The following KNL1 variants were observed in gnomAD, a reference collection of about 807,000 sequenced individuals.
KNL1 encodes outer kinetochore KNL1 complex subunit KNL1.
Under a neutral mutation model 201.3 loss-of-function variants are expected in KNL1, and 66 were observed. The ratio of observed to expected loss-of-function variants is 0.33; its 90% CI spans 0.27 to 0.40. The LOEUF (loss-of-function observed/expected upper bound fraction) is 0.40, where lower values mean the gene tolerates loss of function less well. Among genes scored for constraint, KNL1 ranks in the 10% least tolerant of loss-of-function variants. The pLI is 1.00. For synonymous variants in KNL1, 895 were observed against 899.2 expected, an observed-to-expected ratio of 1.00 and a Z score of 0.08; for missense variants, 2,815 against 2,690.5, an observed-to-expected ratio of 1.05 and a Z score of -1.02.
intron 1 of KNL1, among the ~76,000 whole-genome samples, chr15:40,596,435 C>T (rs1284835024): frequency 6.6e-6 from 1 of 151,988 alleles, no homozygotes; most frequent in Non-Finnish European, 1.5e-5. Flanking sequence ...CGCCACCATG[C>T]GCAGCCAATT....
chr15:40,611,996 A>G (rs145968455), intron 7 of KNL1, among the ~76,000 whole-genome samples: 4,303 of 152,122 alleles, frequency 0.028, 217 homozygotes, highest in African/African-American at 0.099. Flanking sequence ...CCTGGCCAAC[A>G]TGATGAAACC....
intron 4 of KNL1, among the ~76,000 whole-genome samples, 178 bp from the exon 5 acceptor site, chr15:40,608,669 C>T (rs760112981): frequency 2.0e-5 from 3 of 149,608 alleles, no homozygotes; most frequent in Non-Finnish European, 4.4e-5. Flanking sequence ...CGCTTGAATC[C>T]GGGAGGCAGA....
intron 2 of KNL1, among the ~76,000 whole-genome samples, chr15:40,604,116 T>TATCATCATCATC (rs71104704): frequency 9.5e-4 from 142 of 149,544 alleles, no homozygotes; most frequent in African/African-American, 3.3e-3. Context: ...CTGTCTCACA[T>TATCATCATCATC]ATCATCATCA....
At chr15:40,604,627 C>T (rs1891916176) in intron 2 of KNL1, among the ~76,000 whole-genome samples, 1 of 152,158 alleles carries the variant, frequency 6.6e-6, no homozygotes, top group Admixed American at 6.5e-5. Context: ...CAACACTGGG[C>T]TCCTATTCTT....
chr15:40,605,880 C>T (rs949328925), intron 3 of KNL1, among the ~76,000 whole-genome samples: 4 of 152,210 alleles, frequency 2.6e-5, no homozygotes, highest in African/African-American at 9.6e-5. Flanking sequence ...TTTGCTTTTT[C>T]TACTCTTAGT....
chr15:40,646,875 A>AT, intron 16 of KNL1, 112 bp from the exon 17 acceptor site: 2 of 493,954 alleles, frequency 4.0e-6, no homozygotes, highest in Non-Finnish European at 3.7e-6. Context: ...AAAAAAAAAA[A>AT]AAAGATTTGC....
chr15:40,629,471 CTT>C (rs11368953), intron 13 of KNL1, 100 bp downstream of exon 13: 965 of 190,912 alleles, frequency 5.1e-3, no homozygotes, highest in Middle Eastern at 9.0e-3. Flanking sequence ...AGAGAGTTTT[CTT>C]TTTTTTTTTT....
At position 40,611,481 on chromosome 15, in the gene KNL1, C is replaced by A. The variant is rs781331949; in HGVS notation, c.254C>A (p.Thr85Lys). 4.2e-6 allele frequency: 1 copy of A among 236,378 alleles called. No homozygotes were observed. The highest frequency in any genetic ancestry group is 8.1e-6 in the Non-Finnish European group (1 of 123,002). 14.6% of individuals were successfully genotyped at this position (236,378 alleles called of 1,614,324 possible). The change falls in exon 7 of 26, where the codon ACA becomes AAA. Residue 85 changes from threonine to lysine, a missense_variant. Coordinates refer to ENST00000399668, the MANE Select transcript of KNL1 (RefSeq NM_144508.5). ...KIVRKSEMEETETGENLLLIQ... is the reference protein window; with the variant it reads ...KIVRKSEMEEKETGENLLLIQ... ...TTAATTTTAATTTTATTTTTAGAAA[C>A]AGAAACAGGAGAAAATCTTCTTTTG...
chr15:40,626,177 G>A (rs1373306860), intron 10 of KNL1: 1 of 152,236 alleles, frequency 6.6e-6, no homozygotes, highest in Non-Finnish European at 1.5e-5. Flanking sequence ...TTTTGAGACA[G>A]AGTCTTGTTC....
At chr15:40,650,227 C>T in intron 17 of KNL1, 74 bp from the exon 18 acceptor site, 2 of 949,364 alleles carry the variant, frequency 2.1e-6, no homozygotes, top group East Asian at 2.6e-5. Flanking sequence ...TTGAATTATT[C>T]TTTTTTTCCT....
intron 16 of KNL1, 184 bp from the exon 17 acceptor site, chr15:40,646,803 G>C (rs1893398946): frequency 2.7e-6 from 1 of 372,836 alleles, no homozygotes; most frequent in Admixed American, 4.8e-5. Flanking sequence ...CTTGCAATGA[G>C]CCCAGATGGC....
In KNL1 at chr15:40,658,727, C is replaced by G. The variant is rs1272262515; in HGVS notation, c.6714-612C>G. On this transcript the variant is annotated intron_variant, in intron 24 of 25. Transcript: ENST00000399668. The stretch of plus-strand genomic sequence containing the variant: ...GGTGGATCACTTGAGGTCAGGAGTT[C>G]AAGATCAATGTGGCCAACAAGGTGA... Among the ~76,000 whole-genome samples, 3 of 148,468 alleles carry G rather than the reference C, an allele frequency of 2.0e-5. No individual in the cohort carries two copies. In the East Asian group the frequency reaches 6.1e-4, roughly 30 times the overall value.
intron 1 of KNL1, among the ~76,000 whole-genome samples, chr15:40,600,975 T>G (rs1461806059): frequency 1.3e-5 from 2 of 152,218 alleles, no homozygotes; most frequent in Non-Finnish European, 2.9e-5. Context: ...TCGTTGACTT[T>G]CCCTCAGATA....
intron 13 of KNL1, among the ~76,000 whole-genome samples, chr15:40,633,057 C>T (rs986983098): frequency 6.6e-6 from 1 of 151,908 alleles, no homozygotes; most frequent in Non-Finnish European, 1.5e-5. Context: ...GGCCAGGCAT[C>T]GTGGCTCACA....
chr15:40,656,212 C>G (rs1184851940), intron 22 of KNL1, among the ~76,000 whole-genome samples: 5 of 152,070 alleles, frequency 3.3e-5, no homozygotes, highest in Non-Finnish European at 7.4e-5. Flanking sequence ...GGGCGGATCA[C>G]TGGAGGTCAG....
rs193278624 is a variant in KNL1, at chr15:40,614,595, A to G, written c.285-746A>G. ...AACCACTGTTGACAATTTTTGGTGT[A>G]CTTGCAGAAATTTTTTTTGTATGTC... On this transcript the variant is annotated intron_variant, in intron 7 of 25. Coordinates refer to ENST00000399668, the MANE Select transcript of KNL1 (RefSeq NM_144508.5). Among the ~76,000 whole-genome samples the G allele has an allele frequency of 3.8e-3, 576 of 152,270 alleles. 2 individuals carry two copies. The highest frequency in any genetic ancestry group is 5.9e-3 in the Non-Finnish European group (402 of 68,014).
intron 25 of KNL1, among the ~76,000 whole-genome samples, chr15:40,660,724 T>G (rs533142380): frequency 1.9e-4 from 28 of 149,412 alleles, no homozygotes; most frequent in African/African-American, 6.9e-4. Context: ...AGCCCAGCAC[T>G]TTGGGAGGCT....
intron 13 of KNL1, among the ~76,000 whole-genome samples, chr15:40,632,219 C>CCA (rs1555421573): frequency 6.9e-6 from 1 of 143,888 alleles, no homozygotes; most frequent in Non-Finnish European, 1.5e-5. Context: ...GACCCCCCCC[C>CCA]ACCCACATCT....
At position 40,621,423 on chromosome 15, in the gene KNL1, A is replaced by G; in HGVS notation, c.1159A>G (p.Arg387Gly). 6.2e-7 allele frequency: 1 copy of G among 1,613,686 alleles called. No homozygotes were observed. Among genetic ancestry groups the G allele is most frequent in the African/African-American group, 1.3e-5 (1 of 75,044 alleles). Residue 387 changes from arginine to glycine, a missense_variant, in exon 10 of 26, where the codon AGA (arginine) becomes GGA (glycine). Around this residue, in one of 3 missense-constraint regions of KNL1, gnomAD observed 2,464 missense variants for 2,291.7 expected, o/e 1.08. Coordinates refer to ENST00000399668, the MANE Select transcript of KNL1 (RefSeq NM_144508.5). ...INSADKIHIT[R>G]SHIMGAETHI... ...CTCTGCAGACAAAATACATATTACC[A>G]GAAGTCATATTATGGGGGCAGAAAC...
Sources: allele counts gnomAD v4.1 joint callset (sites outside exome capture counted in the v4.1 genomes callset), GRCh38; gene constraint gnomAD v4.1.1; regional missense constraint gnomAD v4.1.1; transcripts MANE v1.5; gene names NCBI Gene and HGNC (gene_info 2026-07-23, HGNC 2026-07-21).